The following ANKRD17 variants were observed in gnomAD, a reference collection of about 807,000 sequenced individuals.
ANKRD17 encodes the protein ankyrin repeat domain-containing protein 17.
In ANKRD17, 19 loss-of-function variants were observed where a neutral mutation model predicts 229.7. The ratio of observed to expected loss-of-function variants is 0.08; its 90% CI spans 0.06 to 0.12. ANKRD17 has a LOEUF of 0.12. ANKRD17 is among the 10% of genes least tolerant of loss of function. The pLI is 1.00. For synonymous variants in ANKRD17, 1,112 were observed against 1,146.1 expected (o/e 0.97, Z 0.60); for missense variants, 2,176 against 3,176.8 (o/e 0.68, Z 7.57).
At chr4:73,249,702 A>G (rs1744812300) in intron 1 of ANKRD17, among the ~76,000 whole-genome samples, 1 of 152,160 alleles carries the variant, frequency 6.6e-6, no homozygotes, top group Admixed American at 6.5e-5. Flanking sequence ...AAAAATACAA[A>G]AATTAGCCGG....
chr4:73,218,694 T>C (rs1214553402), intron 1 of ANKRD17, among the ~76,000 whole-genome samples: 2 of 151,750 alleles, frequency 1.3e-5, no homozygotes, highest in African/African-American at 4.8e-5. Flanking sequence ...CTTCTTCATC[T>C]TCTTCTACTT....
intron 1 of ANKRD17, among the ~76,000 whole-genome samples, chr4:73,218,511 C>T (rs947583546): frequency 2.0e-5 from 3 of 151,768 alleles, no homozygotes; most frequent in African/African-American, 4.8e-5. Flanking sequence ...GGCATGGTGG[C>T]GCATGCCTGT....
chr4:73,100,897 G>A, intron 25 of ANKRD17: 1 of 985,218 alleles, frequency 1.0e-6, no homozygotes, highest in Non-Finnish European at 1.2e-6. Flanking sequence ...CATGGCAATG[G>A]TTCCTTCCCA....
At chr4:73,077,665 C>A in intron 31 of ANKRD17, 132 bp from the exon 32 acceptor site, 1 of 731,098 alleles carries the variant, frequency 1.4e-6, no homozygotes, top group Non-Finnish European at 2.0e-6. Flanking sequence ...TATATATTTA[C>A]AGCAATATTT....
chr4:73,104,264 C>T (rs1235464238), intron 24 of ANKRD17, among the ~76,000 whole-genome samples: 1 of 152,142 alleles, frequency 6.6e-6, no homozygotes, highest in African/African-American at 2.4e-5. Flanking sequence ...ACCTTTACTC[C>T]CTGGATCACC....
At chr4:73,141,382 T>C (rs1578172076) in intron 14 of ANKRD17, among the ~76,000 whole-genome samples, 1 of 152,236 alleles carries the variant, frequency 6.6e-6, no homozygotes, top group South Asian at 2.1e-4. Context: ...ATTTGATACA[T>C]CTTGTTAATT....
intron 33 of ANKRD17, 74 bp from the exon 34 acceptor site, chr4:73,076,364 A>T (rs980442433): frequency 5.5e-5 from 65 of 1,188,410 alleles, no homozygotes; most frequent in Non-Finnish European, 1.2e-5. Flanking sequence ...CTTTTAAAAA[A>T]CTAAGGAGGT....
chr4:73,249,222 T>C (rs1744766552), intron 1 of ANKRD17, among the ~76,000 whole-genome samples: 1 of 152,148 alleles, frequency 6.6e-6, no homozygotes, highest in Non-Finnish European at 1.5e-5. Context: ...GACCAAGAAA[T>C]AACTTTAGAG....
chr4:73,084,469 G>A (rs1292862752), intron 30 of ANKRD17, among the ~76,000 whole-genome samples: 1 of 141,452 alleles, frequency 7.1e-6, no homozygotes, highest in Non-Finnish European at 1.5e-5. Context: ...TTTTTTTTGA[G>A]ATGAAGTCTT....
chr4:73,121,781 A>C (rs755643658), intron 18 of ANKRD17, 22 bp from the exon 19 acceptor site: 4 of 1,571,112 alleles, frequency 2.5e-6, no homozygotes, highest in Non-Finnish European at 2.6e-6. Flanking sequence ...ATAGAAAAAA[A>C]TATGTTTTCT....
At chr4:73,251,112 A>G (rs1321108990) in intron 1 of ANKRD17, among the ~76,000 whole-genome samples, 1 of 152,072 alleles carries the variant, frequency 6.6e-6, no homozygotes, top group Non-Finnish European at 1.5e-5. Flanking sequence ...CTCTACACAC[A>G]CACAAAAAGT....
Position 73,094,600 on chromosome 4 carries a change from ACAC to A in ANKRD17, c.5178-375_5178-373del, listed in dbSNP as rs757715297. On this transcript the variant is annotated intron_variant, in intron 27 of 33. Coordinates refer to ENST00000358602, the MANE Select transcript of ANKRD17 (RefSeq NM_032217.5). ...GACTATCTACACGCTAATTATGAAA[ACAC>A]CACCATGTCATGAGTGTTGCAATAG... 3.3e-4 allele frequency among the ~76,000 whole-genome samples: 50 copies of A among 151,902 alleles called. No homozygotes were observed. In the South Asian group the frequency reaches 5.0e-3, roughly 15 times the overall value.
Position 73,098,110 on chromosome 4 carries a change from C to T in ANKRD17, c.4984G>A (p.Glu1662Lys), listed in dbSNP as rs1303305429. Residue 1662 changes from glutamate to lysine, a missense_variant, in exon 26 of 34, where the codon GAA (glutamate) becomes AAA (lysine). Around this residue, in one of 18 missense-constraint regions of ANKRD17, gnomAD observed 98 missense variants for 101.0 expected, o/e 0.97. Transcript: ENST00000358602. ...TTGCCAGAAACAGATTTTCTCTCTT[C>T]CTTTGGAAATGTAACAAGAACTGAT... ...QPSVLVTFPKEERKSVSGKAS... is the reference protein window; with the variant it reads ...QPSVLVTFPKKERKSVSGKAS... 2 of 1,606,708 alleles carry T rather than the reference C, an allele frequency of 1.2e-6. No individual in the cohort carries two copies. The highest frequency in any genetic ancestry group is 1.7e-6 in the Non-Finnish European group (2 of 1,175,604).
At chr4:73,227,473 A>C (rs1742626836) in intron 1 of ANKRD17, among the ~76,000 whole-genome samples, 1 of 152,180 alleles carries the variant, frequency 6.6e-6, no homozygotes, top group Admixed American at 6.6e-5. Flanking sequence ...TTTATAGGCA[A>C]GAAAATTGTC....
intron 2 of ANKRD17, among the ~76,000 whole-genome samples, chr4:73,175,231 T>G (rs1052095073): frequency 1.2e-4 from 19 of 152,304 alleles, no homozygotes; most frequent in African/African-American, 4.1e-4. Context: ...CTTCTTCACA[T>G]GGCAGCAGGA....
At chr4:73,146,137 T>C (rs1246711951) in intron 10 of ANKRD17, among the ~76,000 whole-genome samples, 13 of 152,238 alleles carry the variant, frequency 8.5e-5, no homozygotes, top group Admixed American at 3.9e-4. Flanking sequence ...TCATAACATT[T>C]TTTCCAATTG....
At chr4:73,150,447 G>A (rs115307698) in intron 7 of ANKRD17, among the ~76,000 whole-genome samples, 1,567 of 152,066 alleles carry the variant, frequency 0.01, 19 homozygotes, top group Middle Eastern at 0.031. Flanking sequence ...TGTGTTTTAT[G>A]CCCATTATCT....
intron 30 of ANKRD17, among the ~76,000 whole-genome samples, chr4:73,082,352 A>G (rs1490932254): frequency 6.6e-6 from 1 of 151,796 alleles, no homozygotes; most frequent in African/African-American, 2.4e-5. Flanking sequence ...GCTGGGTGCT[A>G]TGGCAAGTGC....
chr4:73,246,949 T>C (rs1393831095), intron 1 of ANKRD17, among the ~76,000 whole-genome samples: 4 of 152,110 alleles, frequency 2.6e-5, no homozygotes, highest in Admixed American at 6.5e-5. Context: ...GTGAGGAAGT[T>C]CTCCAGAAGT....
Sources: allele counts gnomAD v4.1 joint callset (sites outside exome capture counted in the v4.1 genomes callset), GRCh38; gene constraint gnomAD v4.1.1; regional missense constraint gnomAD v4.1.1; transcripts MANE v1.5; gene names NCBI Gene and HGNC (gene_info 2026-07-23, HGNC 2026-07-21).